CAMK1G: variants seen among roughly 807,000 people sequenced by gnomAD.
CAMK1G encodes the protein calcium/calmodulin-dependent protein kinase type 1G.
In CAMK1G, 27 loss-of-function variants were observed where a neutral mutation model predicts 54.8. The observed-to-expected ratio is 0.49, with a 90% CI of 0.36 to 0.68. The LOEUF is 0.68. CAMK1G is among the 30% of genes least tolerant of loss of function. The pLI is 0.00. For synonymous variants in CAMK1G, 238 were observed against 224.9 expected (o/e 1.06, Z -0.52); for missense variants, 512 against 591.0 (o/e 0.87, Z 1.39).
At chr1:209,597,837 C>A (rs1232390663) in intron 2 of CAMK1G, among the ~76,000 whole-genome samples, 2 of 152,178 alleles carry the variant, frequency 1.3e-5, no homozygotes, top group East Asian at 3.9e-4. Context: ...TACTTAGATT[C>A]TCTCTCCTCT....
intron 7 of CAMK1G, 93 bp downstream of exon 7, chr1:209,608,026 A>G: frequency 1.1e-6 from 1 of 931,526 alleles, no homozygotes; most frequent in East Asian, 2.5e-5. Context: ...TCCTCCTCCA[A>G]GCACGTGCAT....
chr1:209,609,762 A>G (rs1665737778), intron 8 of CAMK1G, 89 bp from the exon 9 acceptor site: 2 of 1,311,806 alleles, frequency 1.5e-6, no homozygotes, highest in Middle Eastern at 1.8e-4. Flanking sequence ...CTAAAGATGC[A>G]TTCACTGCCA....
intron 1 of CAMK1G, among the ~76,000 whole-genome samples, chr1:209,585,560 A>T (rs975826570): frequency 2.0e-4 from 30 of 152,322 alleles, no homozygotes; most frequent in Non-Finnish European, 4.0e-4. Context: ...CTGTAAAATG[A>T]GGTTACCTGG....
intron 10 of CAMK1G, 53 bp downstream of exon 10, chr1:209,611,605 G>A (rs779442773): frequency 9.2e-5 from 141 of 1,527,386 alleles, no homozygotes; most frequent in Non-Finnish European, 1.2e-4. Flanking sequence ...CCTGGAGGCT[G>A]GGCTGGCAGG....
At chr1:209,593,998 C>A (rs1665320274) in intron 1 of CAMK1G, among the ~76,000 whole-genome samples, 1 of 152,190 alleles carries the variant, frequency 6.6e-6, no homozygotes, top group African/African-American at 2.4e-5. Flanking sequence ...GGCTCTGGAG[C>A]ACACTATGCT....
intron 5 of CAMK1G, 109 bp downstream of exon 5, chr1:209,605,783 C>T: frequency 1.9e-6 from 2 of 1,075,112 alleles, no homozygotes; most frequent in Non-Finnish European, 2.6e-6. Context: ...ACTAGTGACT[C>T]CCAAGGCCCC....
chr1:209,607,401 A>G (rs1665675455), intron 6 of CAMK1G, among the ~76,000 whole-genome samples: 2 of 152,104 alleles, frequency 1.3e-5, no homozygotes, highest in South Asian at 4.2e-4. Context: ...GGGAGCTCCT[A>G]ATCTAATGGG....
chr1:209,595,897 C>T (rs1055186750), intron 2 of CAMK1G, among the ~76,000 whole-genome samples: 5 of 150,570 alleles, frequency 3.3e-5, no homozygotes, highest in African/African-American at 1.2e-4. Flanking sequence ...TTAGTCCTGC[C>T]TCTCCCCTGG....
At chr1:209,594,360 G>T (rs1665328959) in intron 1 of CAMK1G, among the ~76,000 whole-genome samples, 1 of 152,138 alleles carries the variant, frequency 6.6e-6, no homozygotes, top group Admixed American at 6.5e-5. Context: ...ATACATATTG[G>T]TTAACTGTTG....
chr1:209,612,366 C>T (rs1268214533), intron 11 of CAMK1G, 150 bp downstream of exon 11: 2 of 787,702 alleles, frequency 2.5e-6, no homozygotes, highest in South Asian at 1.8e-5. Flanking sequence ...AAGGAAAATG[C>T]TTCCAGCCCT....
chr1:209,590,082 C>T (rs1387007437), intron 1 of CAMK1G, among the ~76,000 whole-genome samples: 1 of 152,148 alleles, frequency 6.6e-6, no homozygotes, highest in Admixed American at 6.5e-5. Context: ...GCTTTGAAAC[C>T]CAATGGAAAT....
intron 4 of CAMK1G, 125 bp downstream of exon 4, chr1:209,603,413 G>A (rs1008116947): frequency 2.7e-6 from 2 of 729,592 alleles, no homozygotes; most frequent in African/African-American, 3.5e-5. Flanking sequence ...TCATTCAGGA[G>A]GCTCAGAAAT....
At chr1:209,590,351 C>G (rs776148645) in intron 1 of CAMK1G, among the ~76,000 whole-genome samples, 29 of 152,218 alleles carry the variant, frequency 1.9e-4, no homozygotes, top group Non-Finnish European at 3.7e-4. Context: ...ACTCTGGTTA[C>G]AGAGGGGTGG....
Position 209,595,067 on chromosome 1 carries a change from G to T in CAMK1G, c.84G>T (p.Val28=), listed in dbSNP as rs1475330974. 2.5e-6 allele frequency: 4 copies of T among 1,613,826 alleles called. No individual in the cohort carries two copies. Among genetic ancestry groups the T allele is most frequent in the Admixed American group, 3.3e-5 (2 of 60,000 alleles). ...NIRKTFIFME[V]LGSGAFSEVF... Reference sequence around the variant, plus strand: ...GGAAAACCTTCATTTTTATGGAAGTGCTGGGATCGTAAGTCCTGGGGCTGT... The same window carrying T: ...GGAAAACCTTCATTTTTATGGAAGTTCTGGGATCGTAAGTCCTGGGGCTGT... Residue 28 remains valine (V), a synonymous_variant, in exon 2 of 13, where the codon GTG becomes GTT. Coordinates refer to ENST00000361322, the MANE Select transcript of CAMK1G (RefSeq NM_020439.3).
At chr1:209,606,204 C>T (rs906756696) in intron 5 of CAMK1G, 116 bp from the exon 6 acceptor site, 10 of 1,331,026 alleles carry the variant, frequency 7.5e-6, no homozygotes, top group Non-Finnish European at 8.4e-6. Flanking sequence ...GGAGGATGAG[C>T]TGGCCTTGAA....
At chr1:209,606,185 A>G (rs1446219815) in intron 5 of CAMK1G, 135 bp from the exon 6 acceptor site, 2 of 1,137,668 alleles carry the variant, frequency 1.8e-6, no homozygotes, top group Non-Finnish European at 2.5e-6. Flanking sequence ...GGAAGAAGGG[A>G]AGAATGGGGG....
intron 8 of CAMK1G, 97 bp downstream of exon 8, chr1:209,609,189 A>G: frequency 6.9e-7 from 1 of 1,448,242 alleles, no homozygotes; most frequent in Non-Finnish European, 9.6e-7. Context: ...GGCTCTTCAA[A>G]GTCCCTGGGG....
In CAMK1G at chr1:209,611,413, G is replaced by T. The variant is rs1301313166; in HGVS notation, c.828-52G>T. ...CTGCAGGCACCCTGCCCACTCCCTGGATGAGTGTAAATAGCCACCCAGTAG... is the reference window on the plus strand; with the variant it reads ...CTGCAGGCACCCTGCCCACTCCCTGTATGAGTGTAAATAGCCACCCAGTAG... On this transcript the variant is annotated intron_variant, in intron 9 of 12. Coordinates refer to ENST00000361322, the MANE Select transcript of CAMK1G (RefSeq NM_020439.3). The T allele has an allele frequency of 6.4e-6, 10 of 1,554,994 alleles. No individual in the cohort carries two copies. In the African/African-American group the frequency reaches 1.2e-4, roughly 19 times the overall value.
chr1:209,611,377 C>T, intron 9 of CAMK1G, 88 bp from the exon 10 acceptor site: 1 of 1,177,590 alleles, frequency 8.5e-7, no homozygotes, highest in South Asian at 1.3e-5. Context: ...CTACCCAGCT[C>T]TCACCTAGAC....
Sources: allele counts gnomAD v4.1 joint callset (sites outside exome capture counted in the v4.1 genomes callset), GRCh38; gene constraint gnomAD v4.1.1; transcripts MANE v1.5; gene names NCBI Gene and HGNC (gene_info 2026-07-23, HGNC 2026-07-21).